Variants in ARHGAP17 observed in about 807,000 individuals in gnomAD.
ARHGAP17 encodes the protein rho GTPase-activating protein 17.
In ARHGAP17, 57 loss-of-function variants were observed where a neutral mutation model predicts 99.5. The ratio of observed to expected loss-of-function variants is 0.57; its 90% CI spans 0.46 to 0.71. The LOEUF (loss-of-function observed/expected upper bound fraction) is 0.71, where lower values mean the gene tolerates loss of function less well. Ranked by LOEUF, ARHGAP17 falls within the 30% of genes least tolerant of loss-of-function variation. The probability of loss-of-function intolerance (pLI) is 0.00; values close to 1 mark genes in which losing one functional copy is unlikely to be tolerated. For missense variants in ARHGAP17, 1,000 were observed against 1,122.4 expected, an observed-to-expected ratio of 0.89 and a Z score of 1.56; for synonymous variants, 417 against 429.6, an observed-to-expected ratio of 0.97 and a Z score of 0.36.
At chr16:24,957,795 G>C (rs1273685403) in intron 9 of ARHGAP17, among the ~76,000 whole-genome samples, 1 of 152,160 alleles carries the variant, frequency 6.6e-6, no homozygotes, top group Non-Finnish European at 1.5e-5. Context: ...AAAAATGAAG[G>C]AGAACCAGAT....
At chr16:24,997,034 A>C (rs2053212891) in intron 1 of ARHGAP17, among the ~76,000 whole-genome samples, 1 of 152,232 alleles carries the variant, frequency 6.6e-6, no homozygotes, top group African/African-American at 2.4e-5. Flanking sequence ...TACTGACTTC[A>C]CAGGGTCTGG....
At chr16:24,971,211 A>G (rs549548475) in intron 3 of ARHGAP17, among the ~76,000 whole-genome samples, 1 of 152,222 alleles carries the variant, frequency 6.6e-6, no homozygotes, top group African/African-American at 2.4e-5. Flanking sequence ...ACTATGTTCA[A>G]GGCACTGGGG....
chr16:24,961,911 T>TTATATTTATA, intron 7 of ARHGAP17, among the ~76,000 whole-genome samples: 1 of 130,022 alleles, frequency 7.7e-6, no homozygotes, highest in African/African-American at 3.2e-5. Context: ...CATAGGAATT[T>TTATATTTATA]TATATATATA....
intron 14 of ARHGAP17, among the ~76,000 whole-genome samples, chr16:24,944,068 C>A (rs1302285750): frequency 2.6e-5 from 4 of 151,814 alleles, no homozygotes; most frequent in African/African-American, 7.3e-5. Flanking sequence ...GTCAAGAGAT[C>A]GAGACAATCC....
intron 19 of ARHGAP17, among the ~76,000 whole-genome samples, chr16:24,921,640 G>T (rs116379721): frequency 0.016 from 2,437 of 152,226 alleles, 50 homozygotes; most frequent in African/African-American, 0.053. Flanking sequence ...TGAGCTGTGA[G>T]ATCTATTTAC....
chr16:24,945,755 C>T (rs1262991460), intron 14 of ARHGAP17, among the ~76,000 whole-genome samples: 1 of 152,202 alleles, frequency 6.6e-6, no homozygotes, highest in Non-Finnish European at 1.5e-5. Flanking sequence ...TGCCTTAAAA[C>T]TCTGCTGGAT....
At chr16:25,001,695 C>T (rs922042120) in intron 1 of ARHGAP17, among the ~76,000 whole-genome samples, 1 of 152,144 alleles carries the variant, frequency 6.6e-6, no homozygotes, top group African/African-American at 2.4e-5. Context: ...GCTGGGATTA[C>T]AGGCGTGAGC....
At chr16:25,006,617 A>C (rs1567271814) in intron 1 of ARHGAP17, among the ~76,000 whole-genome samples, 1 of 152,226 alleles carries the variant, frequency 6.6e-6, no homozygotes, top group Non-Finnish European at 1.5e-5. Flanking sequence ...GAAGTGCCAG[A>C]GGATAAATAC....
At chr16:25,014,716 C>T (rs549666003) in intron 1 of ARHGAP17, among the ~76,000 whole-genome samples, 1 of 152,334 alleles carries the variant, frequency 6.6e-6, no homozygotes, top group Non-Finnish European at 1.5e-5. Context: ...CTAGCCATTT[C>T]TTGCCGCCAT....
At chr16:25,010,882 C>T (rs941664644) in intron 1 of ARHGAP17, among the ~76,000 whole-genome samples, 2 of 152,214 alleles carry the variant, frequency 1.3e-5, no homozygotes, top group South Asian at 4.1e-4. Context: ...GGGTTTACAA[C>T]CTTGGGTTCT....
At chr16:24,976,018 T>C (rs1373306044) in intron 3 of ARHGAP17, among the ~76,000 whole-genome samples, 1 of 149,910 alleles carries the variant, frequency 6.7e-6, no homozygotes, top group Non-Finnish European at 1.5e-5. Context: ...GAGCTAGGAG[T>C]AGGACCACAG....
At chr16:24,946,657 T>A (rs537157862) in intron 14 of ARHGAP17, among the ~76,000 whole-genome samples, 1 of 152,194 alleles carries the variant, frequency 6.6e-6, no homozygotes, top group Admixed American at 6.6e-5. Context: ...AACTCCCATG[T>A]GAAGGATGCC....
intron 7 of ARHGAP17, among the ~76,000 whole-genome samples, chr16:24,961,862 C>T (rs1218414859): frequency 6.9e-6 from 1 of 145,024 alleles, no homozygotes; most frequent in Admixed American, 6.9e-5. Flanking sequence ...ACAGATTAGG[C>T]AATTAGGTAC....
intron 1 of ARHGAP17, among the ~76,000 whole-genome samples, chr16:24,998,733 G>A (rs368398857): frequency 6.6e-6 from 1 of 152,178 alleles, no homozygotes; most frequent in Non-Finnish European, 1.5e-5. Context: ...GCCACGCCCC[G>A]AATCCCAGGT....
At chr16:24,960,578 C>G (rs56372456) in intron 7 of ARHGAP17, among the ~76,000 whole-genome samples, 72,872 of 151,344 alleles carry the variant, frequency 0.48, 18,613 homozygotes, top group African/African-American at 0.67. Flanking sequence ...CTCACTTTGG[C>G]AGGCCAAGGT....
intron 7 of ARHGAP17, among the ~76,000 whole-genome samples, chr16:24,960,729 A>G (rs1397463284): frequency 6.9e-6 from 1 of 145,794 alleles, no homozygotes; most frequent in African/African-American, 2.5e-5. Flanking sequence ...AGGCAGGAGA[A>G]TGGTGTGAAC....
intron 14 of ARHGAP17, among the ~76,000 whole-genome samples, chr16:24,945,885 G>A (rs1487068534): frequency 6.6e-6 from 1 of 152,174 alleles, no homozygotes; most frequent in Non-Finnish European, 1.5e-5. Flanking sequence ...CCAGTTCCCT[G>A]CTGTGTGACC....
At chr16:24,951,856 A>G (rs745477170) in intron 12 of ARHGAP17, among the ~76,000 whole-genome samples, 1 of 152,192 alleles carries the variant, frequency 6.6e-6, no homozygotes, top group Non-Finnish European at 1.5e-5. Flanking sequence ...TGAATTTGCA[A>G]TTATGTAGGG....
intron 1 of ARHGAP17, among the ~76,000 whole-genome samples, chr16:25,003,038 CAAAAAAA>C (rs1177218423): frequency 3.8e-5 from 2 of 53,308 alleles, no homozygotes; most frequent in Admixed American, 5.6e-4. Flanking sequence ...GACTCCGTCT[CAAAAAAA>C]AAAAAAAAAA....
Sources: allele counts gnomAD v4.1 joint callset (sites outside exome capture counted in the v4.1 genomes callset), GRCh38; gene constraint gnomAD v4.1.1; transcripts MANE v1.5; gene names NCBI Gene and HGNC (gene_info 2026-07-23, HGNC 2026-07-21).